SRRM4: variants seen among roughly 807,000 people sequenced by gnomAD.
SRRM4 encodes the protein serine/arginine repetitive matrix protein 4.
In SRRM4, 33 loss-of-function variants were observed where a neutral mutation model predicts 68.9. The ratio of observed to expected loss-of-function variants is 0.48; its 90% CI spans 0.36 to 0.64. The LOEUF (loss-of-function observed/expected upper bound fraction) is 0.64, where lower values mean the gene tolerates loss of function less well. Among genes scored for constraint, SRRM4 ranks in the 30% least tolerant of loss-of-function variants. The pLI is 0.00. For synonymous variants in SRRM4, 318 were observed against 318.8 expected (o/e 1.00, Z 0.03); for missense variants, 817 against 827.1 (o/e 0.99, Z 0.15).
chr12:119,141,029 C>G (rs1166734731), intron 8 of SRRM4, among the ~76,000 whole-genome samples: 1 of 152,188 alleles, frequency 6.6e-6, no homozygotes, highest in African/African-American at 2.4e-5. Context: ...GTAGCCTCCA[C>G]CTCCCAGGTT....
intron 1 of SRRM4, among the ~76,000 whole-genome samples, chr12:119,062,563 T>TA (rs1310061121): frequency 2.6e-5 from 4 of 152,230 alleles, no homozygotes; most frequent in Non-Finnish European, 4.4e-5. Context: ...CTTTTTTGAT[T>TA]AAAAAAATTT....
Position 119,159,648 on chromosome 12 carries a change from C to G in SRRM4, c.*2850C>G, listed in dbSNP as rs917251837. 1 of 152,182 alleles carries G rather than the reference C, an allele frequency of 6.6e-6. No homozygotes were observed. Among genetic ancestry groups the G allele is most frequent in the African/African-American group, 2.4e-5 (1 of 41,438 alleles). The allele number at this position is 152,182 out of a possible 1,614,324, so 9.4% of individuals were successfully genotyped here. A position where few individuals can be genotyped will look rare whatever the true frequency, so the allele number is the denominator to read the frequency against. On this transcript the variant is annotated 3_prime_UTR_variant, in exon 13 of 13. Transcript: ENST00000267260. The stretch of plus-strand genomic sequence containing the variant: ...TTGATCTCACCCTCACTCCAAGGCA[C>G]ATAGCAGGATCACTCCCTAGCTTCT...
intron 1 of SRRM4, among the ~76,000 whole-genome samples, chr12:119,029,973 A>G (rs776315808): frequency 5.3e-5 from 8 of 152,152 alleles, no homozygotes; most frequent in Admixed American, 1.3e-4. Flanking sequence ...AGCTGTCCCA[A>G]GGCATTTCTG....
chr12:119,013,935 C>G (rs1182845511), intron 1 of SRRM4, among the ~76,000 whole-genome samples: 1 of 152,076 alleles, frequency 6.6e-6, no homozygotes. Flanking sequence ...CCCTCCCCTT[C>G]TTCCCAACCC....
At chr12:119,020,609 G>C (rs1163816650) in intron 1 of SRRM4, among the ~76,000 whole-genome samples, 1 of 152,180 alleles carries the variant, frequency 6.6e-6, no homozygotes, top group Non-Finnish European at 1.5e-5. Context: ...GTCGGAGCTG[G>C]TGGCGTTGAA....
rs76996418 is a variant in SRRM4 at position 119,019,579 on chromosome 12, C to A, written c.131+37566C>A. On this transcript the variant is annotated intron_variant, in intron 1 of 12. Transcript: ENST00000267260. ...TTCTCTGTTGGCAACTGCTCATGCA[C>A]CCTGTTACCTTCTGAAATTACATAG... 4.6e-5 allele frequency among the ~76,000 whole-genome samples: 7 copies of A among 152,170 alleles called. No homozygotes were observed. The East Asian group carries it at 1.4e-3, about 29-fold the overall frequency.
At chr12:119,035,619 A>G (rs1953621764) in intron 1 of SRRM4, among the ~76,000 whole-genome samples, 1 of 152,070 alleles carries the variant, frequency 6.6e-6, no homozygotes, top group Admixed American at 6.5e-5. Context: ...TATCATTTTC[A>G]ATCTACTGTT....
At chr12:119,020,599 G>T (rs1392839038) in intron 1 of SRRM4, among the ~76,000 whole-genome samples, 1 of 152,188 alleles carries the variant, frequency 6.6e-6, no homozygotes, top group Non-Finnish European at 1.5e-5. Flanking sequence ...GGGGGAGTGA[G>T]TCGGAGCTGG....
At chr12:119,056,416 A>C (rs1419039893) in intron 1 of SRRM4, among the ~76,000 whole-genome samples, 2 of 152,210 alleles carry the variant, frequency 1.3e-5, no homozygotes, top group Admixed American at 6.5e-5. Context: ...TGACAGGTCC[A>C]TCGTGATGGT....
At chr12:119,141,222 C>A (rs1006936369) in intron 8 of SRRM4, among the ~76,000 whole-genome samples, 1 of 152,148 alleles carries the variant, frequency 6.6e-6, no homozygotes, top group Admixed American at 6.5e-5. Flanking sequence ...GGATTACAGG[C>A]GTGAGCCACC....
At chr12:119,056,658 C>G (rs1400659221) in intron 1 of SRRM4, among the ~76,000 whole-genome samples, 1 of 152,168 alleles carries the variant, frequency 6.6e-6, no homozygotes, top group African/African-American at 2.4e-5. Context: ...GGCCTTTGCA[C>G]ATGCTGTTCT....
At chr12:119,125,559 C>T in intron 7 of SRRM4, 80 bp downstream of exon 7, 1 of 1,249,502 alleles carries the variant, frequency 8.0e-7, no homozygotes. Flanking sequence ...AGCTTCGCCT[C>T]CACACTTCCA....
chr12:119,033,147 CTTTGT>C (rs1953602700), intron 1 of SRRM4, among the ~76,000 whole-genome samples: 1 of 151,976 alleles, frequency 6.6e-6, no homozygotes, highest in South Asian at 2.1e-4. Context: ...TTCCTTCCTC[CTTTGT>C]TTTAATTTTT....
rs1330414229 is a variant in SRRM4, at chr12:118,981,939, C to A, written c.57C>A (p.Thr19=). The A allele has an allele frequency of 1.2e-6, 2 of 1,613,110 alleles. No homozygotes were observed. Among genetic ancestry groups the A allele is most frequent in the Non-Finnish European group, 1.7e-6 (2 of 1,179,622 alleles). ...TTTTTGAGAAGTTCTGGCGAGGAAC[C>A]TTCAAAGCGGTGGCCACCCCCCGTC... ...KQLFEKFWRG[T]FKAVATPRPE... Residue 19 remains threonine, a synonymous_variant, in exon 1 of 13, where the codon ACC becomes ACA. Coordinates refer to ENST00000267260, the MANE Select transcript of SRRM4 (RefSeq NM_194286.4).
At chr12:119,109,451 A>G (rs970755187) in intron 2 of SRRM4, among the ~76,000 whole-genome samples, 3 of 152,350 alleles carry the variant, frequency 2.0e-5, no homozygotes, top group African/African-American at 7.2e-5. Context: ...ACTTTCAGGT[A>G]TACCAATCAG....
intron 1 of SRRM4, among the ~76,000 whole-genome samples, chr12:119,096,177 C>T (rs1404166167): frequency 2.8e-5 from 4 of 144,124 alleles, no homozygotes; most frequent in Non-Finnish European, 6.1e-5. Flanking sequence ...CCCGCCACCA[C>T]GCCCAGCTAA....
intron 1 of SRRM4, among the ~76,000 whole-genome samples, chr12:118,988,842 G>A (rs753887697): frequency 1.3e-5 from 2 of 152,178 alleles, no homozygotes; most frequent in Non-Finnish European, 2.9e-5. Flanking sequence ...AGGAATAGAG[G>A]GTGAGGGAAT....
chr12:119,090,154 C>T (rs889398519), intron 1 of SRRM4, among the ~76,000 whole-genome samples: 2 of 152,062 alleles, frequency 1.3e-5, no homozygotes, highest in Non-Finnish European at 2.9e-5. Flanking sequence ...CTGCCATTTT[C>T]AAGCAGTGAT....
intron 1 of SRRM4, among the ~76,000 whole-genome samples, chr12:119,075,758 ATGGTGATGATGG>A (rs1293150902): frequency 8.0e-6 from 1 of 125,762 alleles, no homozygotes; most frequent in Non-Finnish European, 1.7e-5. Flanking sequence ...GGTAATGATG[ATGGTGATGATGG>A]TGGTGATGAT....
Sources: allele counts gnomAD v4.1 joint callset (sites outside exome capture counted in the v4.1 genomes callset), GRCh38; gene constraint gnomAD v4.1.1; transcripts MANE v1.5; gene names NCBI Gene and HGNC (gene_info 2026-07-23, HGNC 2026-07-21).